Variants in ADAMTS3 observed in about 807,000 individuals in gnomAD.
ADAMTS3 encodes the protein ADAM metallopeptidase with thrombospondin type 1 motif 3, also known as A disintegrin and metalloproteinase with thrombospondin motifs 3.
In ADAMTS3, 73 loss-of-function variants were observed where a neutral mutation model predicts 129.0. The observed-to-expected ratio is 0.57, with a 90% CI of 0.47 to 0.69. The LOEUF (loss-of-function observed/expected upper bound fraction) is 0.69, where lower values mean the gene tolerates loss of function less well. Among genes scored for constraint, ADAMTS3 ranks in the 30% least tolerant of loss-of-function variants. The probability of loss-of-function intolerance (pLI) is 0.00; values close to 1 mark genes in which losing one functional copy is unlikely to be tolerated. For missense variants in ADAMTS3, 1,457 were observed against 1,514.5 expected (o/e 0.96, Z 0.63); for synonymous variants, 477 against 510.8 (o/e 0.93, Z 0.89).
intron 5 of ADAMTS3, among the ~76,000 whole-genome samples, chr4:72,334,103 T>C (rs892981434): frequency 6.6e-6 from 1 of 152,116 alleles, no homozygotes; most frequent in African/African-American, 2.4e-5. Flanking sequence ...TCTGCCCGCC[T>C]AGGCCTCCCA....
At chr4:72,377,720 T>C (rs1010835095) in intron 4 of ADAMTS3, among the ~76,000 whole-genome samples, 2 of 152,188 alleles carry the variant, frequency 1.3e-5, no homozygotes, top group African/African-American at 4.8e-5. Flanking sequence ...ATGATCTAAG[T>C]GGCCTTTGAT....
At chr4:72,344,368 G>T (rs372551996) in intron 4 of ADAMTS3, among the ~76,000 whole-genome samples, 1 of 152,056 alleles carries the variant, frequency 6.6e-6, no homozygotes, top group Non-Finnish European at 1.5e-5. Context: ...GACAGGAGAC[G>T]AAGGTAAAAT....
chr4:72,417,017 T>C (rs928918111), intron 3 of ADAMTS3, among the ~76,000 whole-genome samples: 2 of 152,218 alleles, frequency 1.3e-5, no homozygotes, highest in Non-Finnish European at 2.9e-5. Flanking sequence ...TTTAAATATA[T>C]GGAAGTTTAT....
intron 19 of ADAMTS3, among the ~76,000 whole-genome samples, chr4:72,292,002 T>C (rs1458712054): frequency 6.6e-6 from 1 of 152,212 alleles, no homozygotes; most frequent in Non-Finnish European, 1.5e-5. Context: ...CTGAAACTCA[T>C]CTTAAAGTTG....
intron 2 of ADAMTS3, among the ~76,000 whole-genome samples, chr4:72,553,568 G>T (rs144820203): frequency 1.9e-3 from 285 of 152,230 alleles, no homozygotes; most frequent in African/African-American, 6.5e-3. Flanking sequence ...TCTCTGGAAG[G>T]AAAGGTTTTT....
At chr4:72,502,062 G>C (rs79306463) in intron 3 of ADAMTS3, among the ~76,000 whole-genome samples, 7,098 of 152,158 alleles carry the variant, frequency 0.047, 187 homozygotes, top group African/African-American at 0.063. Flanking sequence ...CAGAGATATT[G>C]GCCTATAGTT....
At chr4:72,560,221 TAA>T (rs35259992) in intron 2 of ADAMTS3, among the ~76,000 whole-genome samples, 9 of 144,404 alleles carry the variant, frequency 6.2e-5, no homozygotes, top group African/African-American at 2.3e-4. Flanking sequence ...CCCAAAACTA[TAA>T]AAAAAAAAAA....
At chr4:72,389,963 T>C (rs1353131457) in intron 4 of ADAMTS3, among the ~76,000 whole-genome samples, 1 of 151,988 alleles carries the variant, frequency 6.6e-6, no homozygotes, top group Non-Finnish European at 1.5e-5. Flanking sequence ...TATACACACA[T>C]ATAGGCCTGC....
chr4:72,305,819 T>C (rs1560465604), intron 16 of ADAMTS3, among the ~76,000 whole-genome samples, 168 bp downstream of exon 16: 1 of 152,078 alleles, frequency 6.6e-6, no homozygotes, highest in Non-Finnish European at 1.5e-5. Flanking sequence ...CATGCACATG[T>C]ACGCACATAT....
At chr4:72,520,546 C>T (rs1487399028) in intron 3 of ADAMTS3, among the ~76,000 whole-genome samples, 11 of 152,308 alleles carry the variant, frequency 7.2e-5, no homozygotes, top group South Asian at 2.1e-4. Context: ...TGGGCAATGG[C>T]GGGCGCCCCT....
In ADAMTS3 at chr4:72,288,947, C is replaced by CACAT; in HGVS notation, c.2932-80_2932-79insATGT. 15 of 747,752 alleles carry CACAT rather than the reference C, an allele frequency of 2.0e-5. No homozygotes were observed. In the East Asian group the frequency reaches 3.9e-4, roughly 19 times the overall value. The allele number at this position is 747,752 out of a possible 1,614,324, so 46.3% of individuals were successfully genotyped here. A position where few individuals can be genotyped will look rare whatever the true frequency, so the allele number is the denominator to read the frequency against. ...ATACACACACACACACACACACACA[C>CACAT]ACACACACACACACACACACAAAGA... On this transcript the variant is annotated intron_variant, in intron 20 of 21. Transcript: ENST00000286657.
chr4:72,526,914 T>A (rs1720832714), intron 3 of ADAMTS3, among the ~76,000 whole-genome samples: 1 of 151,832 alleles, frequency 6.6e-6, no homozygotes, highest in Admixed American at 6.6e-5. Context: ...TGCAGGTATC[T>A]GTGTCTTCAG....
chr4:72,395,822 G>C (rs1233983966), intron 4 of ADAMTS3, among the ~76,000 whole-genome samples: 1 of 152,154 alleles, frequency 6.6e-6, no homozygotes, highest in Non-Finnish European at 1.5e-5. Flanking sequence ...TTGTGTGTGT[G>C]TGTGTGTGTG....
intron 3 of ADAMTS3, among the ~76,000 whole-genome samples, chr4:72,474,878 T>A (rs2109997865): frequency 6.6e-6 from 1 of 151,278 alleles, no homozygotes; most frequent in African/African-American, 2.4e-5. Context: ...TACAAAAAAA[T>A]TAGCCGGGCG....
intron 3 of ADAMTS3, among the ~76,000 whole-genome samples, chr4:72,416,893 G>A (rs1370646395): frequency 6.6e-6 from 1 of 152,064 alleles, no homozygotes; most frequent in Non-Finnish European, 1.5e-5. Flanking sequence ...CACAAACACA[G>A]TAAATGTATA....
chr4:72,393,414 A>T (rs2217757), intron 4 of ADAMTS3, among the ~76,000 whole-genome samples: 148,372 of 152,320 alleles, frequency 0.97, 72,405 homozygotes, highest in South Asian at 1. Flanking sequence ...GTTGTTTTAA[A>T]TTTTTTCCAA....
At chr4:72,542,489 C>A (rs570472962) in intron 3 of ADAMTS3, among the ~76,000 whole-genome samples, 1 of 152,118 alleles carries the variant, frequency 6.6e-6, no homozygotes, top group African/African-American at 2.4e-5. Flanking sequence ...TTATTGTTAT[C>A]GTTGTCAATC....
intron 4 of ADAMTS3, among the ~76,000 whole-genome samples, chr4:72,340,456 C>T (rs1720108168): frequency 6.6e-6 from 1 of 151,788 alleles, no homozygotes; most frequent in South Asian, 2.1e-4. Flanking sequence ...AACTTTAGTG[C>T]TCCACATTTG....
At chr4:72,351,733 A>T (rs1720442852) in intron 4 of ADAMTS3, among the ~76,000 whole-genome samples, 1 of 151,946 alleles carries the variant, frequency 6.6e-6, no homozygotes, top group South Asian at 2.1e-4. Flanking sequence ...AGTTCAAAAA[A>T]CTAAAACCTT....
Sources: allele counts gnomAD v4.1 joint callset (sites outside exome capture counted in the v4.1 genomes callset), GRCh38; gene constraint gnomAD v4.1.1; transcripts MANE v1.5; gene names NCBI Gene and HGNC (gene_info 2026-07-23, HGNC 2026-07-21).